Variants in RTN4RL1 observed in about 807,000 individuals in gnomAD.
RTN4RL1 encodes the protein reticulon 4 receptor like 1.
Under a neutral mutation model 25.6 loss-of-function variants are expected in RTN4RL1, and 7 were observed. That is an observed-to-expected ratio of 0.27 (90% CI 0.16 to 0.51). The LOEUF (loss-of-function observed/expected upper bound fraction) is 0.51, where lower values mean the gene tolerates loss of function less well. Among genes scored for constraint, RTN4RL1 ranks in the 20% least tolerant of loss-of-function variants. The pLI is 0.97. For synonymous variants in RTN4RL1, 297 were observed against 288.2 expected, an observed-to-expected ratio of 1.03 and a Z score of -0.31; for missense variants, 500 against 615.6, an observed-to-expected ratio of 0.81 and a Z score of 1.99.
At chr17:1,991,435 C>G (rs1597230442) in intron 1 of RTN4RL1, among the ~76,000 whole-genome samples, 1 of 72,966 alleles carries the variant, frequency 1.4e-5, no homozygotes, top group Admixed American at 1.5e-4. Flanking sequence ...AAAGATAATA[C>G]ATGCACATAG....
rs1352398594 is a variant in RTN4RL1 at position 2,007,337 on chromosome 17, A to ACAC, written c.13+17515_13+17516insGTG. On this transcript the variant is annotated intron_variant, in intron 1 of 1. Coordinates refer to ENST00000331238, the MANE Select transcript of RTN4RL1 (RefSeq NM_178568.4). ...AGACCTAGGCCATGTTCACAGCCCC[A>ACAC]ACACACACACACACACACACACACA... 2.2e-3 allele frequency among the ~76,000 whole-genome samples: 308 copies of ACAC among 140,404 alleles called. 6 individuals are homozygous for ACAC. The highest frequency in any genetic ancestry group is 7.0e-3 in the South Asian group (30 of 4,266). 92.1% of individuals were successfully genotyped at this position (140,404 alleles called of 152,430 possible).
At chr17:1,996,509 A>AC (rs1311672142) in intron 1 of RTN4RL1, among the ~76,000 whole-genome samples, 4 of 149,136 alleles carry the variant, frequency 2.7e-5, no homozygotes, top group African/African-American at 9.9e-5. Flanking sequence ...GATCCTTGTG[A>AC]CCCCCCTCTT....
chr17:2,000,853 C>T (rs1026494259), intron 1 of RTN4RL1, among the ~76,000 whole-genome samples: 1 of 151,906 alleles, frequency 6.6e-6, no homozygotes, highest in African/African-American at 2.4e-5. Context: ...GGTCCAGCAG[C>T]CTTGGGCAAG....
At position 2,024,914 on chromosome 17, in the gene RTN4RL1, C is replaced by T; in HGVS notation, c.-49G>A. The T allele has an allele frequency of 6.4e-7, 1 of 1,556,966 alleles. No individual in the cohort carries two copies. The highest frequency in any genetic ancestry group is 8.7e-7 in the Non-Finnish European group (1 of 1,151,252). On this transcript the variant is annotated 5_prime_UTR_variant, in exon 1 of 2. Transcript: ENST00000331238. ...GAGGTCGGCCTAGGCGCACTCCCTC[C>T]CGGGGTCCAGATTCAAATCCCTGGG...
intron 1 of RTN4RL1, among the ~76,000 whole-genome samples, chr17:1,966,951 A>G (rs1348247815): frequency 6.6e-6 from 1 of 151,988 alleles, no homozygotes; most frequent in Non-Finnish European, 1.5e-5. Flanking sequence ...CCTTCCCAGC[A>G]TCCTCACACA....
At chr17:2,003,842 G>A (rs944574758) in intron 1 of RTN4RL1, among the ~76,000 whole-genome samples, 3 of 152,188 alleles carry the variant, frequency 2.0e-5, no homozygotes, top group Non-Finnish European at 2.9e-5. Context: ...AGTCTGAGGC[G>A]GGCAGATCAC....
At chr17:2,018,927 C>T (rs1040969363) in intron 1 of RTN4RL1, 1 of 152,282 alleles carries the variant, frequency 6.6e-6, no homozygotes, top group Admixed American at 6.5e-5. Context: ...TGCCTGTTTC[C>T]AGCTAGCATC....
At chr17:1,977,574 G>A (rs1417443585) in intron 1 of RTN4RL1, among the ~76,000 whole-genome samples, 8 of 152,134 alleles carry the variant, frequency 5.3e-5, no homozygotes, top group Non-Finnish European at 7.4e-5. Flanking sequence ...ACCACCCGCG[G>A]CTGGGAGACC....
At chr17:2,013,095 G>C (rs1178506229) in intron 1 of RTN4RL1, among the ~76,000 whole-genome samples, 1 of 152,136 alleles carries the variant, frequency 6.6e-6, no homozygotes, top group Non-Finnish European at 1.5e-5. Context: ...CGCCCGGCCT[G>C]CTATGTTCTA....
intron 1 of RTN4RL1, among the ~76,000 whole-genome samples, chr17:2,016,456 G>T (rs1391435997): frequency 6.6e-6 from 1 of 152,180 alleles, no homozygotes; most frequent in East Asian, 1.9e-4. Flanking sequence ...GTAAACTGAG[G>T]CCCAGAGATG....
chr17:1,939,392 A>AAAT (rs745955716), intron 1 of RTN4RL1, among the ~76,000 whole-genome samples: 3,232 of 150,328 alleles, frequency 0.021, 60 homozygotes, highest in African/African-American at 0.026. Flanking sequence ...ATAAATAAAT[A>AAAT]AAATACAGAC....
rs549827111 is a variant in RTN4RL1, at chr17:1,974,436, G to C, written c.14-36628C>G. Among the ~76,000 whole-genome samples the C allele has an allele frequency of 4.9e-4, 74 of 152,318 alleles. 1 individual carries two copies. In the Middle Eastern group the frequency reaches 0.01, roughly 21 times the overall value. On this transcript the variant is annotated intron_variant, in intron 1 of 1. Coordinates refer to ENST00000331238, the MANE Select transcript of RTN4RL1 (RefSeq NM_178568.4). Reference sequence around the variant, plus strand: ...ATTTTACAGATGAGAGAGAACCAAAGCTTAGAGAGGTAAATGACTTGTCCA... The same window carrying C: ...ATTTTACAGATGAGAGAGAACCAAACCTTAGAGAGGTAAATGACTTGTCCA...
At chr17:1,985,931 GC>G (rs1339209606) in intron 1 of RTN4RL1, among the ~76,000 whole-genome samples, 4 of 152,080 alleles carry the variant, frequency 2.6e-5, no homozygotes, top group African/African-American at 9.7e-5. Flanking sequence ...TCCTCAAGCT[GC>G]CCCGCCTCTC....
chr17:2,018,917 T>G (rs1008097617), intron 1 of RTN4RL1: 36 of 152,324 alleles, frequency 2.4e-4, no homozygotes, highest in African/African-American at 8.7e-4. Flanking sequence ...TATTGCCTGC[T>G]GCCTGTTTCC....
chr17:1,995,426 CAA>C (rs1036512075), intron 1 of RTN4RL1, among the ~76,000 whole-genome samples: 16 of 63,246 alleles, frequency 2.5e-4, no homozygotes, highest in African/African-American at 5.9e-4. Flanking sequence ...AACTCTGTCT[CAA>C]AAAAAAAAAA....
chr17:1,960,181 C>T (rs1417493902), intron 1 of RTN4RL1, among the ~76,000 whole-genome samples: 3 of 149,674 alleles, frequency 2.0e-5, no homozygotes, highest in Admixed American at 6.7e-5. Context: ...CACATCACCC[C>T]GCCCCCACCA....
chr17:1,939,339 C>G (rs113007923), intron 1 of RTN4RL1, among the ~76,000 whole-genome samples: 2 of 150,196 alleles, frequency 1.3e-5, no homozygotes, highest in Non-Finnish European at 3.0e-5. Context: ...GGCGACAGAG[C>G]GAAACTCCGT....
At chr17:1,983,523 C>G (rs12103631) in intron 1 of RTN4RL1, among the ~76,000 whole-genome samples, 4 of 151,968 alleles carry the variant, frequency 2.6e-5, no homozygotes, top group East Asian at 3.9e-4. Flanking sequence ...CTCAGCCACC[C>G]GAGCAGCTGA....
intron 1 of RTN4RL1, among the ~76,000 whole-genome samples, chr17:1,944,928 G>C (rs1385071167): frequency 6.6e-6 from 1 of 152,136 alleles, no homozygotes; most frequent in Non-Finnish European, 1.5e-5. Context: ...GCACCCCTCT[G>C]TGGCTCCCAT....
Sources: allele counts gnomAD v4.1 joint callset (sites outside exome capture counted in the v4.1 genomes callset), GRCh38; gene constraint gnomAD v4.1.1; transcripts MANE v1.5; gene names NCBI Gene and HGNC (gene_info 2026-07-23, HGNC 2026-07-21).